Variants in CEP162 observed in about 807,000 individuals in gnomAD.
CEP162 encodes the protein centrosomal protein of 162 kDa.
A neutral mutation model predicts 169.2 loss-of-function variants in CEP162; 141 were observed. That is an observed-to-expected ratio of 0.83 (90% CI 0.73 to 0.96). CEP162 has a LOEUF of 0.96. CEP162 is among the 40% of genes least tolerant of loss of function. CEP162 has a pLI of 0.00. For synonymous variants in CEP162, 540 were observed against 526.4 expected (o/e 1.03, Z -0.35); for missense variants, 1,600 against 1,587.2 (o/e 1.01, Z -0.14).
chr6:84,199,310 T>C (rs2099543468), intron 9 of CEP162, among the ~76,000 whole-genome samples: 1 of 152,142 alleles, frequency 6.6e-6, no homozygotes, highest in Non-Finnish European at 1.5e-5. Flanking sequence ...TGTCTTATAG[T>C]TGTAATTTTT....
Position 84,215,378 on chromosome 6 carries a change from G to T in CEP162, c.407C>A (p.Ala136Asp). The stretch of plus-strand genomic sequence containing the variant: ...AGATGTCAAGCCTTTCTCAAGCCTG[G>T]CAAAAAATTGTTCTTTCTCCTCTTG... ...EEQEEKEQFF[A>D]RLEKGLTSSI... Residue 136 changes from alanine (A) to aspartate (D), a missense_variant, in exon 5 of 27, where the codon GCC becomes GAC. Transcript: ENST00000403245. 1.2e-6 allele frequency: 2 copies of T among 1,607,008 alleles called. No individual in the cohort carries two copies. Among genetic ancestry groups the T allele is most frequent in the Non-Finnish European group, 1.7e-6 (2 of 1,175,884 alleles).
At chr6:84,143,651 C>A (rs1349527176) in intron 25 of CEP162, among the ~76,000 whole-genome samples, 1 of 151,842 alleles carries the variant, frequency 6.6e-6, no homozygotes, top group East Asian at 1.9e-4. Flanking sequence ...AGTGAGAATG[C>A]ACGAATATCT....
chr6:84,160,491 G>C (rs902779934), intron 21 of CEP162, among the ~76,000 whole-genome samples: 1 of 152,012 alleles, frequency 6.6e-6, no homozygotes, highest in Non-Finnish European at 1.5e-5. Context: ...AGCTGTCTAC[G>C]GTCAGGAAGA....
chr6:84,142,141 C>G (rs1053724394), intron 25 of CEP162, among the ~76,000 whole-genome samples: 1 of 152,102 alleles, frequency 6.6e-6, no homozygotes, highest in Non-Finnish European at 1.5e-5. Context: ...ACTCCTTTAC[C>G]CCAAATTTCA....
chr6:84,155,821 AT>A (rs1401809956), intron 21 of CEP162, among the ~76,000 whole-genome samples: 2 of 152,186 alleles, frequency 1.3e-5, no homozygotes, highest in African/African-American at 4.8e-5. Context: ...CAATCTACAA[AT>A]TCAATTCAAT....
intron 4 of CEP162, 124 bp from the exon 5 acceptor site, chr6:84,215,589 A>T (rs2099551234): frequency 1.8e-6 from 2 of 1,125,284 alleles, no homozygotes; most frequent in African/African-American, 3.2e-5. Flanking sequence ...ACTCTCACTC[A>T]CCAAATATGA....
intron 10 of CEP162, among the ~76,000 whole-genome samples, chr6:84,194,370 AAAG>A (rs1217798470): frequency 2.1e-5 from 3 of 143,018 alleles, no homozygotes; most frequent in African/African-American, 4.9e-5. Context: ...AAAAAAAAGA[AAAG>A]AAAAGAAAGT....
At chr6:84,226,593 C>T (rs2099555840) in intron 1 of CEP162, 141 bp from the exon 2 acceptor site, 1 of 560,922 alleles carries the variant, frequency 1.8e-6, no homozygotes, top group African/African-American at 1.9e-5. Flanking sequence ...CAAGAGATTC[C>T]TAATTCATTA....
intron 18 of CEP162, among the ~76,000 whole-genome samples, chr6:84,169,087 G>A (rs1221871334): frequency 2.0e-5 from 3 of 152,144 alleles, no homozygotes; most frequent in Non-Finnish European, 4.4e-5. Flanking sequence ...AATGCCTGAT[G>A]AGAGGCTGAA....
intron 6 of CEP162, among the ~76,000 whole-genome samples, chr6:84,207,200 C>T (rs2099547525): frequency 6.6e-6 from 1 of 152,152 alleles, no homozygotes; most frequent in African/African-American, 2.4e-5. Context: ...CCATTTGACC[C>T]AGCGATCCCA....
intron 6 of CEP162, among the ~76,000 whole-genome samples, chr6:84,205,309 A>C (rs2099546400): frequency 6.6e-6 from 1 of 152,232 alleles, no homozygotes; most frequent in Non-Finnish European, 1.5e-5. Flanking sequence ...CCTGATGAAC[A>C]TGGATGCAAA....
chr6:84,160,721 C>T, intron 21 of CEP162, 91 bp downstream of exon 21: 1 of 758,226 alleles, frequency 1.3e-6, no homozygotes, highest in Middle Eastern at 2.4e-4. Flanking sequence ...TCCAGGTCAA[C>T]TCCATCTCAT....
intron 22 of CEP162, among the ~76,000 whole-genome samples, chr6:84,153,706 G>A (rs1359625351): frequency 6.6e-6 from 1 of 152,162 alleles, no homozygotes; most frequent in Non-Finnish European, 1.5e-5. Flanking sequence ...TACGGAGGGA[G>A]GCACGAGCAG....
At chr6:84,207,692 T>G (rs1233010638) in intron 6 of CEP162, among the ~76,000 whole-genome samples, 1 of 150,782 alleles carries the variant, frequency 6.6e-6, no homozygotes, top group Non-Finnish European at 1.5e-5. Context: ...GTTGTGCACA[T>G]GTACCCTAGA....
intron 6 of CEP162, among the ~76,000 whole-genome samples, chr6:84,206,735 C>T (rs1211451871): frequency 6.6e-6 from 1 of 151,952 alleles, no homozygotes; most frequent in East Asian, 1.9e-4. Flanking sequence ...CTAATTAAAC[C>T]AAAGAGCTTC....
chr6:84,189,147 G>A (rs1407600657), intron 11 of CEP162, among the ~76,000 whole-genome samples: 1 of 152,084 alleles, frequency 6.6e-6, no homozygotes, highest in East Asian at 1.9e-4. Flanking sequence ...TGCCTCTTGG[G>A]TTCAAGCGAT....
chr6:84,205,469 C>T (rs2099546503), intron 6 of CEP162, among the ~76,000 whole-genome samples: 1 of 152,188 alleles, frequency 6.6e-6, no homozygotes, highest in African/African-American at 2.4e-5. Context: ...AAACAAAAAC[C>T]ACATGATTAT....
At chr6:84,129,339 C>G (rs1162560963) in intron 25 of CEP162, among the ~76,000 whole-genome samples, 1 of 152,186 alleles carries the variant, frequency 6.6e-6, no homozygotes, top group African/African-American at 2.4e-5. Context: ...TTCTCCGCAT[C>G]CTCTCCAGCA....
chr6:84,170,979 G>A lies in CEP162; in HGVS notation c.2279+627C>T, dbSNP rs553491532. Among the ~76,000 whole-genome samples, 29 of 152,180 alleles carry A rather than the reference G, an allele frequency of 1.9e-4. 1 individual carries two copies. The highest frequency in any genetic ancestry group is 9.2e-4 in the Admixed American group (14 of 15,282). ...CCTACTCCTTTCCACAGTACACTCC[G>A]GCCAGTGACTAAGGCTGCCCCCTTG... On this transcript the variant is annotated intron_variant, in intron 17 of 26. Coordinates refer to ENST00000403245, the MANE Select transcript of CEP162 (RefSeq NM_014895.4).
Sources: gnomAD v4.1 joint callset for allele counts (sites outside exome capture counted in the v4.1 genomes callset) on GRCh38, gnomAD v4.1.1 for gene constraint, MANE v1.5 for transcripts, NCBI Gene and HGNC (gene_info 2026-07-23, HGNC 2026-07-21) for gene names.